The following JAKMIP3 variants were observed in gnomAD, a reference collection of about 807,000 sequenced individuals.
JAKMIP3 encodes janus kinase and microtubule-interacting protein 3.
A neutral mutation model predicts 118.5 loss-of-function variants in JAKMIP3; 58 were observed. The observed-to-expected ratio is 0.49, with a 90% CI of 0.40 to 0.61. The LOEUF is 0.61. JAKMIP3 is among the 20% of genes least tolerant of loss of function. The probability of loss-of-function intolerance (pLI) is 0.00; values close to 1 mark genes in which losing one functional copy is unlikely to be tolerated. For synonymous variants in JAKMIP3, 486 were observed against 451.2 expected (o/e 1.08, Z -0.98); for missense variants, 950 against 1,109.0 (o/e 0.86, Z 2.04).
At chr10:132,040,078 G>C (rs556838118) in intron 1 of JAKMIP3, among the ~76,000 whole-genome samples, 1 of 152,344 alleles carries the variant, frequency 6.6e-6, no homozygotes, top group African/African-American at 2.4e-5. Context: ...TGTCCCCCAA[G>C]TTCACAGGTT....
At chr10:132,135,190 G>A (rs745554211) in intron 5 of JAKMIP3, 30 bp downstream of exon 5, 4 of 1,576,696 alleles carry the variant, frequency 2.5e-6, no homozygotes, top group East Asian at 2.3e-5. Flanking sequence ...TCTGGCTCCT[G>A]GGGGTTTGTG....
chr10:132,166,475 C>T (rs1160940443), intron 21 of JAKMIP3, among the ~76,000 whole-genome samples: 1 of 152,206 alleles, frequency 6.6e-6, no homozygotes, highest in African/African-American at 2.4e-5. Flanking sequence ...TGCGCTTTGT[C>T]TGCTCAGGGT....
At chr10:132,097,976 TC>T (rs2044241829) in intron 1 of JAKMIP3, among the ~76,000 whole-genome samples, 2 of 18,148 alleles carry the variant, frequency 1.1e-4, no homozygotes, top group African/African-American at 1.7e-4. Context: ...CTTCCTTTTC[TC>T]CCCTTCCCCT....
intron 3 of JAKMIP3, among the ~76,000 whole-genome samples, chr10:132,123,409 G>T (rs917951982): frequency 1.3e-5 from 2 of 152,218 alleles, no homozygotes; most frequent in Non-Finnish European, 2.9e-5. Flanking sequence ...TTCCCGTAAA[G>T]ATCTGTGATT....
At chr10:132,068,181 A>G (rs1344000298) in intron 1 of JAKMIP3, among the ~76,000 whole-genome samples, 1 of 138,774 alleles carries the variant, frequency 7.2e-6, no homozygotes, top group Non-Finnish European at 1.5e-5. Context: ...CGTGGTCTGG[A>G]CTGTGGGCTT....
At chr10:132,133,587 CTG>C in intron 4 of JAKMIP3, 60 bp downstream of exon 4, 1 of 1,412,998 alleles carries the variant, frequency 7.1e-7, no homozygotes, top group Non-Finnish European at 9.7e-7. Flanking sequence ...GGCCATGTGG[CTG>C]CATGGCCCTG....
At position 132,109,085 on chromosome 10, in the gene JAKMIP3, TACAC is replaced by T. The variant is rs1260029089; in HGVS notation, c.135+4148_135+4151del. On this transcript the variant is annotated intron_variant, in intron 2 of 23. Transcript: ENST00000684848. The stretch of plus-strand genomic sequence containing the variant: ...ACATATACACACATACACATATATA[TACAC>T]ACACATATATATATACACACACACA... Among the ~76,000 whole-genome samples, 11 of 128,830 alleles carry T rather than the reference TACAC, an allele frequency of 8.5e-5. 1 individual carries two copies. The highest frequency in any genetic ancestry group is 1.3e-4 in the Non-Finnish European group (8 of 62,302). 84.5% of individuals were successfully genotyped at this position (128,830 alleles called of 152,430 possible).
intron 3 of JAKMIP3, among the ~76,000 whole-genome samples, chr10:132,132,430 G>A (rs931432679): frequency 1.3e-5 from 2 of 152,184 alleles, no homozygotes; most frequent in African/African-American, 2.4e-5. Flanking sequence ...TGCTGTGCCC[G>A]CGTTCTGGCT....
chr10:132,157,461 C>T (rs568510472), intron 19 of JAKMIP3, among the ~76,000 whole-genome samples: 14 of 152,196 alleles, frequency 9.2e-5, no homozygotes, highest in African/African-American at 3.1e-4. Flanking sequence ...TCTGACGTCC[C>T]GACACACAAA....
chr10:132,056,108 AAAGTTTGGCTCAG>A (rs2038230184), intron 1 of JAKMIP3, among the ~76,000 whole-genome samples: 5 of 152,116 alleles, frequency 3.3e-5, no homozygotes, highest in Admixed American at 2.0e-4. Context: ...TGTCTTTTTA[AAAGTTTGGCTCAG>A]AAGTTGGAAA....
At chr10:132,173,330 GT>G (rs2059810023) in intron 23 of JAKMIP3, among the ~76,000 whole-genome samples, 1 of 149,262 alleles carries the variant, frequency 6.7e-6, no homozygotes, top group East Asian at 2.0e-4. Context: ...TCCCCTCCTT[GT>G]TTGTGACACT....
rs2060759424 is a variant in JAKMIP3, at chr10:132,180,564, T to TGTGA, written c.*1104-1790_*1104-1789insAGTG. Reference sequence around the variant, plus strand: ...GTGTGTGCGTGCGTGCATGCGTGTGTGTGCGTGTGTGTGTGCGTGCGCGTG... The same window carrying TGTGA: ...GTGTGTGCGTGCGTGCATGCGTGTGTGTGAGTGCGTGTGTGTGTGCGTGCGCGTG... On this transcript the variant is annotated intron_variant, in intron 23 of 23. Transcript: ENST00000684848. Among the ~76,000 whole-genome samples, 2 of 50,762 alleles carry TGTGA rather than the reference T, an allele frequency of 3.9e-5. 1 individual carries two copies. Among genetic ancestry groups the TGTGA allele is most frequent in the African/African-American group, 2.3e-4 (2 of 8,692 alleles). The allele number at this position is 50,762 out of a possible 152,430, so 33.3% of individuals were successfully genotyped here. A position where few individuals can be genotyped will look rare whatever the true frequency, so the allele number is the denominator to read the frequency against.
chr10:132,133,596 C>T, intron 4 of JAKMIP3, 69 bp downstream of exon 4: 11 of 1,385,378 alleles, frequency 7.9e-6, no homozygotes, highest in South Asian at 2.5e-5. Flanking sequence ...GCTGCATGGC[C>T]CTGCATGGGC....
chr10:132,103,503 T>G lies in JAKMIP3; in HGVS notation c.-137-1169T>G, dbSNP rs1234873429. 3.6e-3 allele frequency among the ~76,000 whole-genome samples: 206 copies of G among 56,704 alleles called. 1 individual carries two copies. The highest frequency in any genetic ancestry group is 4.5e-3 in the African/African-American group (48 of 10,780). The allele number at this position is 56,704 out of a possible 152,430, so 37.2% of individuals were successfully genotyped here. On this transcript the variant is annotated intron_variant, in intron 1 of 23. Transcript: ENST00000684848. ...GGGAAGAGCACCTGGGGGAGAGGAG[T>G]AGCTTGGTGGGGGGAGCCTCTGAGG...
At chr10:132,060,694 A>C (rs1240107946), upstream of JAKMIP3, among the ~76,000 whole-genome samples, 2 of 152,248 alleles carry the variant, frequency 1.3e-5, no homozygotes, top group African/African-American at 4.8e-5. Flanking sequence ...AGAAACAAAA[A>C]TATCATTCAC....
intron 1 of JAKMIP3, among the ~76,000 whole-genome samples, chr10:132,073,799 A>G (rs1324247367): frequency 2.0e-5 from 3 of 151,864 alleles, no homozygotes; most frequent in Non-Finnish European, 4.4e-5. Flanking sequence ...CACCTGGCCT[A>G]TCTTTACTAT....
In JAKMIP3 at chr10:132,071,066, C is replaced by A. The variant is rs533985296; in HGVS notation, c.-138+5005C>A. On this transcript the variant is annotated intron_variant, in intron 1 of 23. Coordinates refer to ENST00000684848, the MANE Select transcript of JAKMIP3 (RefSeq NM_001323087.2). ...TTTATACCACTTTAGCTGTGTCCTG[C>A]AACTTCTGGTATGTTGTTCTTGTAT... 1.6e-4 allele frequency among the ~76,000 whole-genome samples: 24 copies of A among 152,122 alleles called. No homozygotes were observed. In the South Asian group the frequency reaches 5.0e-3, roughly 32 times the overall value.
chr10:132,055,400 G>A (rs913868), intron 1 of JAKMIP3, among the ~76,000 whole-genome samples: 16,818 of 152,224 alleles, frequency 0.11, 980 homozygotes, highest in Middle Eastern at 0.18. Flanking sequence ...ACTTGGTCTC[G>A]AAAACAGTGG....
rs573990596 is a variant in JAKMIP3, at chr10:132,117,618, C to T, written c.633+44C>T. The T allele has an allele frequency of 8.0e-5, 54 of 673,950 alleles. 1 individual carries two copies. Among genetic ancestry groups the T allele is most frequent in the Non-Finnish European group, 1.1e-4 (49 of 441,206 alleles). 41.7% of individuals were successfully genotyped at this position (673,950 alleles called of 1,614,324 possible). ...GCGGGCGTGGGCGAGGGTGCAGGGG[C>T]GGGCGTGGGCGAGGGTGCAGGGGCG... On this transcript the variant is annotated intron_variant, in intron 3 of 23. Transcript: ENST00000684848. This position sits in a 1 kb window ranked among gnomAD's most constrained non-coding sequence, Gnocchi z 8.6.
Sources: allele counts gnomAD v4.1 joint callset (sites outside exome capture counted in the v4.1 genomes callset), GRCh38; gene constraint gnomAD v4.1.1; non-coding constraint Gnocchi (gnomAD v3.1); transcripts MANE v1.5; gene names NCBI Gene and HGNC (gene_info 2026-07-23, HGNC 2026-07-21).